The following ATRX variants were observed in gnomAD, a reference collection of about 807,000 sequenced individuals.
ATRX encodes chromatin remodeler ATRX.
In ATRX, 12 loss-of-function variants were observed where a neutral mutation model predicts 172.6. The ratio of observed to expected loss-of-function variants is 0.07; its 90% CI spans 0.04 to 0.11. The LOEUF (loss-of-function observed/expected upper bound fraction) is 0.11. ATRX is among the 10% of genes least tolerant of loss of function. The probability of loss-of-function intolerance (pLI) is 1.00; values close to 1 mark genes in which losing one functional copy is unlikely to be tolerated. For missense variants in ATRX, 1,368 were observed against 1,767.4 expected, an observed-to-expected ratio of 0.77 and a Z score of 4.05; for synonymous variants, 674 against 594.7, an observed-to-expected ratio of 1.13 and a Z score of -1.94.
chrX:77,732,496 A>T (rs1422600245), intron 1 of ATRX, among the ~76,000 whole-genome samples: 1 of 112,113 alleles, frequency 8.9e-6, no homozygotes, highest in Non-Finnish European at 1.9e-5. Flanking sequence ...AAAGAAAATG[A>T]CAGGCCAATA....
At chrX:77,703,433 CT>C (rs1428922278) in intron 2 of ATRX, among the ~76,000 whole-genome samples, 1 of 112,718 alleles carries the variant, frequency 8.9e-6, no homozygotes, top group Non-Finnish European at 1.9e-5. Flanking sequence ...GGCATCAGCT[CT>C]TTCTCTGTGA....
intron 30 of ATRX, among the ~76,000 whole-genome samples, chrX:77,537,735 T>C (rs1557048945): frequency 9.0e-6 from 1 of 111,074 alleles, no homozygotes; most frequent in African/African-American, 3.3e-5. Flanking sequence ...TAATAAAAAA[T>C]TGAGATGTTT....
chrX:77,669,436 G>C (rs2070436350), intron 10 of ATRX, among the ~76,000 whole-genome samples: 1 of 109,726 alleles, frequency 9.1e-6, no homozygotes, highest in Non-Finnish European at 1.9e-5. Context: ...CAATTCTCCT[G>C]CCTCAGCCTC....
In ATRX at chrX:77,786,129, A is replaced by G; in HGVS notation, c.-128T>C. On this transcript the variant is annotated 5_prime_UTR_variant, in exon 1 of 35. Transcript: ENST00000373344. ...CTGTAGCTGCTGCTGGAACCTCCCC[A>G]CAGCTCAAAGGCCGCTACCACTGCC... The G allele has an allele frequency of 1.2e-6, 1 of 809,837 alleles. No individual in the cohort carries two copies. The highest frequency in any genetic ancestry group is 3.7e-5 in the East Asian group (1 of 26,682). 66.7% of individuals were successfully genotyped at this position (809,837 alleles called of 1,213,427 possible). A position where few individuals can be genotyped will look rare whatever the true frequency, so the allele number is the denominator to read the frequency against.
chrX:77,616,571 G>A, intron 22 of ATRX, 42 bp downstream of exon 22: 2 of 1,151,098 alleles, frequency 1.7e-6, no homozygotes, highest in African/African-American at 3.5e-5. Context: ...GAAAAAGAAT[G>A]TCTTTATAGA....
At chrX:77,618,707 A>C (rs2067462305) in intron 21 of ATRX, 99 bp downstream of exon 21, 2 of 889,564 alleles carry the variant, frequency 2.2e-6, no homozygotes, top group South Asian at 4.4e-5. Flanking sequence ...AAGAGCGGGA[A>C]AGAAAACACA....
rs1443949270 is a variant in ATRX, at chrX:77,682,720, C to G, written c.2536G>C (p.Asp846His). 1 of 1,209,546 alleles carries G rather than the reference C, an allele frequency of 8.3e-7. No homozygotes were observed. The highest frequency in any genetic ancestry group is 2.2e-5 in the Admixed American group (1 of 45,914). ...TTKKRIPNTK[D>H]FDSSEDEKHS... ...TTCTCATCTTCAGAAGAGTCAAAAT[C>G]TTTTGTATTTGGAATTCTTTTTTTG... Residue 846 changes from aspartate to histidine, a missense_variant, in exon 9 of 35, where the codon GAT (aspartate) becomes CAT (histidine). Around this residue, in one of 17 missense-constraint regions of ATRX, gnomAD observed 843 missense variants for 643.1 expected, o/e 1.31. Transcript: ENST00000373344.
chrX:77,588,822 C>T (rs1036627115), intron 27 of ATRX, among the ~76,000 whole-genome samples: 3 of 111,422 alleles, frequency 2.7e-5, no homozygotes, highest in Non-Finnish European at 3.8e-5. Flanking sequence ...CCTGAATAAA[C>T]ATTTTTTCCA....
intron 34 of ATRX, among the ~76,000 whole-genome samples, chrX:77,513,517 G>A (rs781788302): frequency 2.5e-4 from 27 of 109,384 alleles, no homozygotes; most frequent in Non-Finnish European, 3.6e-4. Context: ...CCCTGAATGG[G>A]GCTACCGCAC....
rs782504761 is a variant in ATRX at position 77,599,472 on chromosome X, A to G, written c.5895T>C (p.Gly1965=). The change falls in exon 25 of 35, where the codon GGT becomes GGC. Residue 1965 remains glycine (G), a synonymous_variant. Coordinates refer to ENST00000373344, the MANE Select transcript of ATRX (RefSeq NM_000489.6). ...IKVWNSRSRG[G]GEGNVDETGN... ...CTGTTTCATCCACATTTCCTTCACCACCTCCCCGAGATCTTGAATTCCAGA... is the reference window on the plus strand; with the variant it reads ...CTGTTTCATCCACATTTCCTTCACCGCCTCCCCGAGATCTTGAATTCCAGA... 2 of 1,207,005 alleles carry G rather than the reference A, an allele frequency of 1.7e-6. No individual in the cohort carries two copies. The highest frequency in any genetic ancestry group is 2.2e-6 in the Non-Finnish European group (2 of 894,232).
At chrX:77,608,113 G>A (rs930064689) in intron 22 of ATRX, among the ~76,000 whole-genome samples, 16 of 109,703 alleles carry the variant, frequency 1.5e-4, no homozygotes, top group Non-Finnish European at 9.5e-5. Context: ...CGGGCACAGT[G>A]GCTCACACCT....
In ATRX at chrX:77,506,436, A is replaced by G; in HGVS notation, c.*1915T>C. 5.7e-6 allele frequency: 1 copy of G among 174,724 alleles called. No homozygotes were observed. The highest frequency in any genetic ancestry group is 1.1e-5 in the Non-Finnish European group (1 of 90,963). The allele number at this position is 174,724 out of a possible 1,213,427, so 14.4% of individuals were successfully genotyped here. Reference sequence around the variant, plus strand: ...AAGGTTGCCTAAAATTTTCACATCTATGTCTTTGAGTAAATAATTAGACCA... The same window carrying G: ...AAGGTTGCCTAAAATTTTCACATCTGTGTCTTTGAGTAAATAATTAGACCA... On this transcript the variant is annotated 3_prime_UTR_variant, in exon 35 of 35. Coordinates refer to ENST00000373344, the MANE Select transcript of ATRX (RefSeq NM_000489.6).
chrX:77,598,721 G>A (rs561248226), intron 25 of ATRX, among the ~76,000 whole-genome samples: 1 of 112,058 alleles, frequency 8.9e-6, no homozygotes, highest in Non-Finnish European at 1.9e-5. Flanking sequence ...AGGATACAGT[G>A]TCTCAACACT....
intron 22 of ATRX, among the ~76,000 whole-genome samples, chrX:77,605,012 C>T (rs782413291): frequency 1.2e-3 from 133 of 111,860 alleles, no homozygotes; most frequent in African/African-American, 1.8e-3. Flanking sequence ...TCGGGGGAAA[C>T]GAGAAGAGTG....
chrX:77,720,180 G>A (rs1401661409), intron 1 of ATRX, among the ~76,000 whole-genome samples: 2 of 112,061 alleles, frequency 1.8e-5, no homozygotes, highest in Admixed American at 1.9e-4. Flanking sequence ...ATTTAAAGCA[G>A]TGTGTACAGG....
At chrX:77,741,863 T>A (rs956456431) in intron 1 of ATRX, among the ~76,000 whole-genome samples, 3 of 112,116 alleles carry the variant, frequency 2.7e-5, no homozygotes, top group African/African-American at 6.5e-5. Context: ...TATGAAATCA[T>A]TGCCAAATCC....
chrX:77,704,113 C>T (rs2072684493), intron 2 of ATRX, among the ~76,000 whole-genome samples: 1 of 110,914 alleles, frequency 9.0e-6, no homozygotes, highest in African/African-American at 3.3e-5. Context: ...CCCATCATCT[C>T]TCCTTCGTCT....
chrX:77,591,869 T>A (rs2066270099), intron 26 of ATRX, among the ~76,000 whole-genome samples: 1 of 112,086 alleles, frequency 8.9e-6, no homozygotes, highest in African/African-American at 3.2e-5. Flanking sequence ...TCTGGGTTAC[T>A]ATACTGGAAA....
intron 7 of ATRX, among the ~76,000 whole-genome samples, chrX:77,687,694 C>A (rs1557144742): frequency 8.9e-6 from 1 of 111,916 alleles, no homozygotes. Context: ...CCTAGATAGG[C>A]CCCTGGCTGA....
Sources: allele counts gnomAD v4.1 joint callset (sites outside exome capture counted in the v4.1 genomes callset), GRCh38; gene constraint gnomAD v4.1.1; regional missense constraint gnomAD v4.1.1; transcripts MANE v1.5; gene names NCBI Gene and HGNC (gene_info 2026-07-23, HGNC 2026-07-21).